Variants in MGAT4C observed in about 807,000 individuals in gnomAD.
MGAT4C encodes the protein alpha-1,3-mannosyl-glycoprotein 4-beta-N-acetylglucosaminyltransferase C.
MGAT4C carries 19 observed loss-of-function variants against 40.1 expected under a neutral mutation model. That is an observed-to-expected ratio of 0.47 (90% CI 0.33 to 0.70). The LOEUF (loss-of-function observed/expected upper bound fraction) is 0.70, where lower values mean the gene tolerates loss of function less well. MGAT4C is among the 30% of genes least tolerant of loss of function. The pLI is 0.02. For synonymous variants in MGAT4C, 181 were observed against 187.1 expected, an observed-to-expected ratio of 0.97 and a Z score of 0.27; for missense variants, 491 against 563.2, an observed-to-expected ratio of 0.87 and a Z score of 1.30.
At chr12:86,744,351 T>C (rs1951118726) in intron 1 of MGAT4C, among the ~76,000 whole-genome samples, 1 of 151,530 alleles carries the variant, frequency 6.6e-6, no homozygotes, top group South Asian at 2.1e-4. Flanking sequence ...TGTTTTCTGG[T>C]GCCAAAGCAG....
chr12:86,533,126 C>A (rs1312342658), intron 2 of MGAT4C, among the ~76,000 whole-genome samples: 1 of 151,934 alleles, frequency 6.6e-6, no homozygotes, highest in Non-Finnish European at 1.5e-5. Flanking sequence ...AATTTGGATT[C>A]CAGAACCCCA....
At chr12:86,482,261 C>T (rs906317127) in intron 2 of MGAT4C, among the ~76,000 whole-genome samples, 1 of 151,848 alleles carries the variant, frequency 6.6e-6, no homozygotes, top group Non-Finnish European at 1.5e-5. Context: ...TTTTAATCAG[C>T]TAAATTAAAA....
At position 85,976,115 on chromosome 12, in the gene MGAT4C, A is replaced by C. The variant is rs945667312; in HGVS notation, c.*3174T>G. ...GTTTCATTTTTTATATAATTATTAT[A>C]CAGAACAGTTTTTCTATGATAGCAT... is the stretch of plus-strand genomic sequence containing the variant. On this transcript the variant is annotated 3_prime_UTR_variant, in exon 5 of 5. Transcript: ENST00000611864. 1 of 151,138 alleles carries C rather than the reference A, an allele frequency of 6.6e-6. No individual in the cohort carries two copies. The highest frequency in any genetic ancestry group is 1.5e-5 in the Non-Finnish European group (1 of 67,246). The allele number at this position is 151,138 out of a possible 1,614,324, so 9.4% of individuals were successfully genotyped here.
intron 3 of MGAT4C, among the ~76,000 whole-genome samples, chr12:86,357,677 C>T (rs1224170642): frequency 6.6e-6 from 1 of 151,998 alleles, no homozygotes; most frequent in Non-Finnish European, 1.5e-5. Flanking sequence ...AACTATGTGA[C>T]ACAGGTACAA....
intron 4 of MGAT4C, among the ~76,000 whole-genome samples, chr12:86,278,906 T>C (rs1033118711): frequency 9.2e-5 from 14 of 151,824 alleles, no homozygotes; most frequent in Admixed American, 1.3e-4. Flanking sequence ...TTTTATCAAA[T>C]GTTTTTTAGC....
chr12:86,586,105 C>T (rs1469548329), intron 2 of MGAT4C, among the ~76,000 whole-genome samples: 1 of 113,474 alleles, frequency 8.8e-6, no homozygotes, highest in African/African-American at 3.4e-5. Flanking sequence ...CCCCCCTCCC[C>T]CCACCCCACA....
chr12:86,246,951 A>T (rs1952062511), intron 1 of MGAT4C, among the ~76,000 whole-genome samples: 1 of 152,182 alleles, frequency 6.6e-6, no homozygotes, highest in African/African-American at 2.4e-5. Flanking sequence ...GGGACATCAC[A>T]TTCTCAATTA....
At chr12:86,774,327 C>CTTTCTTTCTTTTCTTTCT (rs1951705367) in intron 1 of MGAT4C, among the ~76,000 whole-genome samples, 1 of 102,510 alleles carries the variant, frequency 9.8e-6, no homozygotes, top group African/African-American at 3.6e-5. Context: ...TTCTTTCTTT[C>CTTTCTTTCTTTTCTTTCT]TTTCTTTCTT....
At chr12:86,776,189 C>A (rs1951746418) in intron 1 of MGAT4C, among the ~76,000 whole-genome samples, 1 of 151,862 alleles carries the variant, frequency 6.6e-6, no homozygotes, top group Non-Finnish European at 1.5e-5. Context: ...GCTCAGGGAC[C>A]ATTGATAATG....
chr12:86,331,463 G>GT (rs1203344256), intron 4 of MGAT4C, among the ~76,000 whole-genome samples: 1 of 152,100 alleles, frequency 6.6e-6, no homozygotes, highest in African/African-American at 2.4e-5. Context: ...CTAGAGGAAG[G>GT]TCATATACCA....
chr12:86,696,745 T>C (rs1950266207), intron 2 of MGAT4C, among the ~76,000 whole-genome samples: 2 of 152,198 alleles, frequency 1.3e-5, no homozygotes, highest in Non-Finnish European at 2.9e-5. Context: ...TAGATCAAAA[T>C]AACACTGGTC....
chr12:86,731,785 T>A (rs1416970528), intron 1 of MGAT4C, among the ~76,000 whole-genome samples: 1 of 152,166 alleles, frequency 6.6e-6, no homozygotes, highest in Non-Finnish European at 1.5e-5. Flanking sequence ...CCAACCTAGA[T>A]GCACTTTAAA....
chr12:86,621,411 C>A (rs1962632968), intron 2 of MGAT4C, among the ~76,000 whole-genome samples: 1 of 152,126 alleles, frequency 6.6e-6, no homozygotes. Flanking sequence ...GTGACCACAA[C>A]TTACTATATT....
chr12:86,013,348 G>A (rs1324696073), intron 2 of MGAT4C, among the ~76,000 whole-genome samples: 3 of 152,020 alleles, frequency 2.0e-5, no homozygotes, highest in Non-Finnish European at 4.4e-5. Context: ...CCGCCTCCCG[G>A]GTTCACGACA....
intron 4 of MGAT4C, among the ~76,000 whole-genome samples, chr12:86,296,630 G>A (rs542270783): frequency 1.6e-4 from 25 of 152,308 alleles, no homozygotes; most frequent in South Asian, 8.3e-4. Context: ...TACACCCTCC[G>A]CAGCCGCTGG....
At chr12:86,674,777 T>C (rs1964349412) in intron 2 of MGAT4C, among the ~76,000 whole-genome samples, 1 of 152,220 alleles carries the variant, frequency 6.6e-6, no homozygotes, top group Non-Finnish European at 1.5e-5. Flanking sequence ...CACACATGTT[T>C]ATTTTATAGA....
intron 1 of MGAT4C, among the ~76,000 whole-genome samples, chr12:86,792,988 G>T (rs746194751): frequency 1.3e-5 from 2 of 152,066 alleles, no homozygotes; most frequent in Non-Finnish European, 2.9e-5. Context: ...AATTACCCAA[G>T]AAATCTAATT....
At chr12:86,500,777 C>A (rs1353271647) in intron 2 of MGAT4C, among the ~76,000 whole-genome samples, 6 of 151,750 alleles carry the variant, frequency 4.0e-5, no homozygotes, top group Admixed American at 6.6e-5. Context: ...TACAGGAAAT[C>A]AAAATTACAG....
At chr12:86,663,353 CA>C (rs58562873) in intron 2 of MGAT4C, among the ~76,000 whole-genome samples, 2,239 of 44,774 alleles carry the variant, frequency 0.05, 12 homozygotes, top group African/African-American at 0.085. Context: ...TCCTCTGTCT[CA>C]AAAAAAAAAA....
Sources: allele counts gnomAD v4.1 joint callset (sites outside exome capture counted in the v4.1 genomes callset), GRCh38; gene constraint gnomAD v4.1.1; transcripts MANE v1.5; gene names NCBI Gene and HGNC (gene_info 2026-07-23, HGNC 2026-07-21).